TSC22D1: variants seen among roughly 807,000 people sequenced by gnomAD.
The protein encoded by TSC22D1 is TSC22 domain family member 1, also known as TSC22 domain family protein 1.
In TSC22D1, 9 loss-of-function variants were observed where a neutral mutation model predicts 74.2. The observed-to-expected ratio is 0.12, with a 90% confidence interval of 0.07 to 0.21. The LOEUF (loss-of-function observed/expected upper bound fraction) is 0.21. Ranked by LOEUF, TSC22D1 falls within the 10% of genes least tolerant of loss-of-function variation. TSC22D1 has a pLI of 1.00. For synonymous variants in TSC22D1, 586 were observed against 492.5 expected (o/e 1.19, Z -2.51); for missense variants, 1,427 against 1,304.7 (o/e 1.09, Z -1.44).
At position 44,575,963 on chromosome 13, in the gene TSC22D1, C is replaced by A; in HGVS notation, c.112G>T (p.Ala38Ser). ...GTACCTGCTGCATTGAGAGCAGAGG[C>A]GCTGCCACTACCGCTGCCCCTTCGA... ...FPRRGSGSGS[A>S]SALNAAGTGV... The change falls in exon 1 of 3, where the codon GCC becomes TCC. Residue 38 changes from alanine (A) to serine (S), a missense_variant. By Grantham distance (99) the Ala-to-Ser change is moderately conservative. This residue lies in a region of TSC22D1 where 1,343 missense variants were observed against 1,191.5 expected (regional missense o/e 1.13). Coordinates refer to ENST00000458659, the MANE Select transcript of TSC22D1 (RefSeq NM_183422.4). The A allele has an allele frequency of 6.2e-7, 1 of 1,606,744 alleles. No individual in the cohort carries two copies. Among genetic ancestry groups the A allele is most frequent in the Non-Finnish European group, 8.5e-7 (1 of 1,176,972 alleles).
chr13:44,531,746 T>C (rs150065845), intron 1 of TSC22D1, among the ~76,000 whole-genome samples: 1 of 152,254 alleles, frequency 6.6e-6, no homozygotes, highest in East Asian at 1.9e-4. Flanking sequence ...GGGGGAGGAA[T>C]GATAAATATT....
intron 1 of TSC22D1, among the ~76,000 whole-genome samples, chr13:44,568,977 A>G (rs1009192622): frequency 6.6e-6 from 1 of 152,182 alleles, no homozygotes; most frequent in Non-Finnish European, 1.5e-5. Context: ...GGGTACTGGG[A>G]AAAAAGGAGA....
chr13:44,481,107 G>C (rs1878157700), intron 1 of TSC22D1, among the ~76,000 whole-genome samples: 1 of 152,212 alleles, frequency 6.6e-6, no homozygotes, highest in African/African-American at 2.4e-5. Context: ...GACAGAAGGA[G>C]AACCAGAAGA....
chr13:44,473,605 ATG>A (rs3046032), intron 1 of TSC22D1, among the ~76,000 whole-genome samples: 149,351 of 151,322 alleles, frequency 0.99, 73,709 homozygotes, highest in East Asian at 1. Context: ...AGCAGTATAT[ATG>A]TGTGTGTGTG....
At chr13:44,537,817 T>G in intron 1 of TSC22D1, 1 of 985,044 alleles carries the variant, frequency 1.0e-6, no homozygotes, top group Non-Finnish European at 1.2e-6. Flanking sequence ...AAAGACTAAG[T>G]GCAGGTTATG....
intron 1 of TSC22D1, among the ~76,000 whole-genome samples, chr13:44,454,064 T>G (rs1401154847): frequency 6.6e-6 from 1 of 152,200 alleles, no homozygotes; most frequent in South Asian, 2.1e-4. Flanking sequence ...TGACAAAGCA[T>G]AAGTTCCATC....
chr13:44,455,852 G>A (rs912914950), intron 1 of TSC22D1, among the ~76,000 whole-genome samples: 1 of 152,142 alleles, frequency 6.6e-6, no homozygotes, highest in South Asian at 2.1e-4. Context: ...CATAAGGATA[G>A]AGTAAATATA....
intron 1 of TSC22D1, among the ~76,000 whole-genome samples, chr13:44,509,950 C>CAAAAAAAAAAAAAAAAAAAAAAA: frequency 3.9e-4 from 20 of 51,432 alleles, no homozygotes; most frequent in East Asian, 5.7e-4. Flanking sequence ...AGAAAATAAG[C>CAAAAAAAAAAAAAAAAAAAAAAA]AAAAAAAAAA....
chr13:44,519,258 C>G (rs947695711), intron 1 of TSC22D1, among the ~76,000 whole-genome samples: 4 of 152,018 alleles, frequency 2.6e-5, no homozygotes, highest in African/African-American at 7.2e-5. Context: ...ACTTTCCTTC[C>G]CTTTTTTTCA....
At chr13:44,477,799 C>A (rs1038997887) in intron 1 of TSC22D1, among the ~76,000 whole-genome samples, 13 of 151,990 alleles carry the variant, frequency 8.6e-5, no homozygotes, top group African/African-American at 3.1e-4. Context: ...GGTGCCACCA[C>A]GCCTGGCTAA....
Position 44,576,025 on chromosome 13 carries a change from A to C in TSC22D1, c.50T>G (p.Ile17Ser). ...STAAAAAAAD[I>S]SARKMAHPAM... ...CGGGTGCGCCATCTTCCTAGCGCTA[A>C]TGTCTGCAGCGGCGGCGGCCGCGGC... Residue 17 changes from isoleucine to serine, a missense_variant, in exon 1 of 3, where the codon ATT (isoleucine) becomes AGT (serine). Physicochemically the swap from Ile to Ser is moderately radical, Grantham distance 142. Transcript: ENST00000458659. 1.3e-6 allele frequency: 2 copies of C among 1,586,004 alleles called. No individual in the cohort carries two copies. Among genetic ancestry groups the C allele is most frequent in the Non-Finnish European group, 1.7e-6 (2 of 1,166,360 alleles).
At chr13:44,551,310 G>GGGGTGTGTGTGTGTGTGT (rs1555272439) in intron 1 of TSC22D1, among the ~76,000 whole-genome samples, 12 of 132,776 alleles carry the variant, frequency 9.0e-5, no homozygotes, top group African/African-American at 3.2e-4. Flanking sequence ...ATCAGCTGGG[G>GGGGTGTGTGTGTGTGTGT]GTGTGTGTGT....
intron 1 of TSC22D1, among the ~76,000 whole-genome samples, chr13:44,551,310 G>GTGTGTGT (rs1555272440): frequency 1.2e-4 from 16 of 132,776 alleles, no homozygotes; most frequent in South Asian, 7.7e-4. Context: ...ATCAGCTGGG[G>GTGTGTGT]GTGTGTGTGT....
Position 44,555,598 on chromosome 13 carries a change from C to T in TSC22D1, c.2912+17565G>A, listed in dbSNP as rs111656427. On this transcript the variant is annotated intron_variant, in intron 1 of 2. Coordinates refer to ENST00000458659, the MANE Select transcript of TSC22D1 (RefSeq NM_183422.4). Reference sequence around the variant, plus strand: ...TCCAACTTGGGCGACAGCAAAAGACCCTGTCTAAAAATAAATAAATAAATA... The same window carrying T: ...TCCAACTTGGGCGACAGCAAAAGACTCTGTCTAAAAATAAATAAATAAATA... 3.3e-3 allele frequency among the ~76,000 whole-genome samples: 497 copies of T among 151,458 alleles called. 4 individuals are homozygous for T. The highest frequency in any genetic ancestry group is 0.012 in the African/African-American group (473 of 41,050).
intron 1 of TSC22D1, among the ~76,000 whole-genome samples, chr13:44,535,494 C>A (rs2138076111): frequency 6.6e-6 from 1 of 152,096 alleles, no homozygotes; most frequent in African/African-American, 2.4e-5. Context: ...CATCTAAGCA[C>A]TGACATTTGT....
In TSC22D1 at chr13:44,443,752, T is replaced by C. The variant is rs377641566; in HGVS notation, c.2913-7657A>G. Among the ~76,000 whole-genome samples the C allele has an allele frequency of 3.9e-5, 6 of 152,308 alleles. No homozygotes were observed. The East Asian group carries it at 1.2e-3, about 29-fold the overall frequency. ...TGGAATGTACTACAATATGTAGATG[T>C]AAAATGTATGACAAAGATAGAACAA... is the stretch of plus-strand genomic sequence containing the variant. On this transcript the variant is annotated intron_variant, in intron 1 of 2. Transcript: ENST00000458659.
chr13:44,438,989 T>A (rs966139895), intron 1 of TSC22D1, among the ~76,000 whole-genome samples: 11 of 152,182 alleles, frequency 7.2e-5, no homozygotes, highest in African/African-American at 1.4e-4. Flanking sequence ...TATAAAAAAA[T>A]TTTTAAATTC....
At chr13:44,556,477 C>T (rs1375919259) in intron 1 of TSC22D1, among the ~76,000 whole-genome samples, 11 of 150,700 alleles carry the variant, frequency 7.3e-5, no homozygotes, top group Non-Finnish European at 1.6e-4. Flanking sequence ...ACCCAGGAAG[C>T]GGAGGTTGCA....
chr13:44,508,544 C>T (rs1479005009), intron 1 of TSC22D1, among the ~76,000 whole-genome samples: 2 of 152,142 alleles, frequency 1.3e-5, no homozygotes, highest in Non-Finnish European at 2.9e-5. Flanking sequence ...CCAGCTTCCA[C>T]TCTTATTCCT....
Sources: allele counts gnomAD v4.1 joint callset (sites outside exome capture counted in the v4.1 genomes callset), GRCh38; gene constraint gnomAD v4.1.1; regional missense constraint gnomAD v4.1.1; transcripts MANE v1.5; gene names NCBI Gene and HGNC (gene_info 2026-07-23, HGNC 2026-07-21).